CCDC73: variants seen among roughly 807,000 people sequenced by gnomAD.
The protein encoded by CCDC73 is coiled-coil domain containing 73.
Under a neutral mutation model 116.5 loss-of-function variants are expected in CCDC73, and 95 were observed. That is an observed-to-expected ratio of 0.82 (90% CI 0.69 to 0.97). CCDC73 has a LOEUF of 0.97. CCDC73 is among the 50% of genes least tolerant of loss of function. The pLI, the probability that CCDC73 is intolerant of heterozygous loss-of-function variation, is 0.00. For missense variants in CCDC73, 1,066 were observed against 1,206.8 expected (o/e 0.88, Z 1.73); for synonymous variants, 398 against 401.3 (o/e 0.99, Z 0.10).
At chr11:32,736,760 C>G (rs1472225959) in intron 2 of CCDC73, among the ~76,000 whole-genome samples, 2 of 151,762 alleles carry the variant, frequency 1.3e-5, no homozygotes, top group African/African-American at 2.4e-5. Context: ...TGGAACCAAC[C>G]CAGATGTCCA....
At chr11:32,793,988 T>G (rs2133410871) in intron 1 of CCDC73, among the ~76,000 whole-genome samples, 1 of 152,200 alleles carries the variant, frequency 6.6e-6, no homozygotes, top group South Asian at 2.1e-4. Flanking sequence ...TCCATTTAAA[T>G]TTGCTCGTGC....
chr11:32,668,729 CCAT>C (rs1207454176), intron 9 of CCDC73, among the ~76,000 whole-genome samples: 4 of 152,130 alleles, frequency 2.6e-5, no homozygotes, highest in Non-Finnish European at 4.4e-5. Flanking sequence ...CTTTACATCA[CCAT>C]GTTACACATA....
At chr11:32,704,441 C>T (rs1168809863) in intron 3 of CCDC73, among the ~76,000 whole-genome samples, 1 of 152,216 alleles carries the variant, frequency 6.6e-6, no homozygotes, top group African/African-American at 2.4e-5. Context: ...GCTGCCTTGG[C>T]CCCCTCTGGA....
intron 7 of CCDC73, 103 bp downstream of exon 7, chr11:32,683,433 C>G: frequency 1.3e-6 from 1 of 764,306 alleles, no homozygotes; most frequent in South Asian, 1.4e-5. Flanking sequence ...TCAGTTTCAA[C>G]AATTAATTTT....
intron 6 of CCDC73, among the ~76,000 whole-genome samples, chr11:32,687,417 G>C (rs1340679966): frequency 6.6e-6 from 1 of 152,186 alleles, no homozygotes; most frequent in African/African-American, 2.4e-5. Flanking sequence ...CATAAGGAAA[G>C]AGGGGGCAGC....
At chr11:32,746,168 T>C (rs989121681) in intron 2 of CCDC73, among the ~76,000 whole-genome samples, 2 of 152,208 alleles carry the variant, frequency 1.3e-5, no homozygotes, top group Non-Finnish European at 2.9e-5. Context: ...AGGATTTTAT[T>C]TCTCCTTCAC....
At chr11:32,641,732 C>T (rs1038416643) in intron 13 of CCDC73, among the ~76,000 whole-genome samples, 1 of 114,026 alleles carries the variant, frequency 8.8e-6, no homozygotes, top group African/African-American at 3.4e-5. Context: ...TATATATATG[C>T]ATGCATATAT....
At chr11:32,767,931 A>G (rs1278611825) in intron 1 of CCDC73, among the ~76,000 whole-genome samples, 5 of 152,236 alleles carry the variant, frequency 3.3e-5, no homozygotes, top group Non-Finnish European at 5.9e-5. Flanking sequence ...TCAAGGATCT[A>G]GAACTAGAAA....
Position 32,683,528 on chromosome 11 carries a change from T to A in CCDC73, c.429+8A>T. The A allele has an allele frequency of 1.3e-6, 2 of 1,509,792 alleles. No individual in the cohort carries two copies. Among genetic ancestry groups the A allele is most frequent in the South Asian group, 1.1e-5 (1 of 88,646 alleles). The allele number at this position is 1,509,792 out of a possible 1,614,324, so 93.5% of individuals were successfully genotyped here. A position where few individuals can be genotyped will look rare whatever the true frequency, so the allele number is the denominator to read the frequency against. On this transcript the variant is annotated splice_region_variant and intron_variant, in intron 7 of 17. Transcript: ENST00000335185. ...GATGGGGGAAAATATGTTTTGTAAT[T>A]TCCTTACCATTTCACTCACTTTCTT...
At chr11:32,809,171 A>C in the CCDC73 span, among the ~76,000 whole-genome samples, 3 of 152,260 alleles carry the variant, frequency 2.0e-5, no homozygotes, top group South Asian at 6.2e-4. Flanking sequence ...AGGACAATTT[A>C]GGGATAAAAT....
chr11:32,698,513 T>C (rs1160693722), intron 6 of CCDC73, among the ~76,000 whole-genome samples: 1 of 152,230 alleles, frequency 6.6e-6, no homozygotes, highest in East Asian at 1.9e-4. Flanking sequence ...ATTATTAACA[T>C]TGCTAGACTC....
intron 13 of CCDC73, among the ~76,000 whole-genome samples, chr11:32,637,893 A>G (rs1855696760): frequency 6.6e-6 from 1 of 152,218 alleles, no homozygotes; most frequent in East Asian, 1.9e-4. Context: ...CCAAATGGAT[A>G]GTATGCACTT....
intron 16 of CCDC73, among the ~76,000 whole-genome samples, chr11:32,612,432 G>A (rs1250878373): frequency 6.6e-6 from 1 of 151,490 alleles, no homozygotes; most frequent in Non-Finnish European, 1.5e-5. Flanking sequence ...TGATAATCTA[G>A]TATGTTTTTA....
At chr11:32,745,853 C>A (rs1310748292) in intron 2 of CCDC73, among the ~76,000 whole-genome samples, 1 of 150,562 alleles carries the variant, frequency 6.6e-6, no homozygotes, top group East Asian at 2.0e-4. Context: ...GAATACAACA[C>A]ACTGATGGGT....
upstream of CCDC73, among the ~76,000 whole-genome samples, chr11:32,797,984 C>T (rs1347599752): frequency 1.3e-5 from 2 of 152,138 alleles, no homozygotes; most frequent in African/African-American, 2.4e-5. Flanking sequence ...GACAGACTGC[C>T]GTCAAAACTT....
chr11:32,797,593 A>G (rs1850735629), upstream of CCDC73, among the ~76,000 whole-genome samples: 1 of 152,144 alleles, frequency 6.6e-6, no homozygotes, highest in Non-Finnish European at 1.5e-5. Context: ...ACATATCTTT[A>G]TTGTAGTATT....
chr11:32,722,824 T>C (rs922428569), intron 2 of CCDC73, among the ~76,000 whole-genome samples: 2 of 152,184 alleles, frequency 1.3e-5, no homozygotes, highest in Admixed American at 1.3e-4. Flanking sequence ...TATTTATTGA[T>C]TAATTGAATC....
chr11:32,640,100 T>G (rs1470305691), intron 13 of CCDC73, among the ~76,000 whole-genome samples: 2 of 152,146 alleles, frequency 1.3e-5, no homozygotes, highest in African/African-American at 4.8e-5. Flanking sequence ...GGTGAAAAAC[T>G]TACAGATAGA....
chr11:32,754,878 C>CTTTTT (rs34982926), intron 2 of CCDC73, among the ~76,000 whole-genome samples: 18 of 86,558 alleles, frequency 2.1e-4, no homozygotes, highest in Non-Finnish European at 3.0e-4. Flanking sequence ...ATGGCTTCAA[C>CTTTTT]TTTTTTTTTT....
Sources: allele counts gnomAD v4.1 joint callset (sites outside exome capture counted in the v4.1 genomes callset), GRCh38; gene constraint gnomAD v4.1.1; transcripts MANE v1.5; gene names NCBI Gene and HGNC (gene_info 2026-07-23, HGNC 2026-07-21).